Variants in EXTL3 observed in about 807,000 individuals in gnomAD.
EXTL3 encodes exostosin-like 3.
A neutral mutation model predicts 69.3 loss-of-function variants in EXTL3; 27 were observed. The ratio of observed to expected loss-of-function variants is 0.39; its 90% CI spans 0.29 to 0.54. The LOEUF (loss-of-function observed/expected upper bound fraction) is 0.54, where lower values mean the gene tolerates loss of function less well. Among genes scored for constraint, EXTL3 ranks in the 20% least tolerant of loss-of-function variants. EXTL3 has a pLI of 0.69. For missense variants in EXTL3, 1,003 were observed against 1,231.8 expected, an observed-to-expected ratio of 0.81 and a Z score of 2.78; for synonymous variants, 511 against 499.4, an observed-to-expected ratio of 1.02 and a Z score of -0.31.
intron 2 of EXTL3, among the ~76,000 whole-genome samples, chr8:28,609,821 T>C (rs1402119025): frequency 1.3e-5 from 2 of 150,966 alleles, no homozygotes; most frequent in Admixed American, 6.7e-5. Context: ...GCCCAGGAGA[T>C]TGAGGCTGCA....
At chr8:28,638,988 A>C (rs919739002) in intron 1 of EXTL3, among the ~76,000 whole-genome samples, 1 of 144,854 alleles carries the variant, frequency 6.9e-6, no homozygotes, top group East Asian at 2.0e-4. Context: ...CCCAGGCTGC[A>C]GTGCAATGGT....
At chr8:28,690,923 T>C (rs113639035) in intron 1 of EXTL3, among the ~76,000 whole-genome samples, 3,461 of 152,182 alleles carry the variant, frequency 0.023, 122 homozygotes, top group African/African-American at 0.079. Flanking sequence ...GCAGGGATCA[T>C]TGGGGGCCCT....
upstream of EXTL3, among the ~76,000 whole-genome samples, chr8:28,619,315 A>AAAAAAAC (rs1563426180): frequency 7.9e-6 from 1 of 126,472 alleles, no homozygotes; most frequent in African/African-American, 3.2e-5. Context: ...AAAAAAAAAA[A>AAAAAAAC]CCCTGTGTGA....
chr8:28,640,997 A>C (rs539354464), intron 1 of EXTL3, among the ~76,000 whole-genome samples: 9 of 152,296 alleles, frequency 5.9e-5, no homozygotes, highest in African/African-American at 1.9e-4. Flanking sequence ...TTTACTTTTT[A>C]AAATGTACTT....
At chr8:28,619,451 C>G (rs1177935829), upstream of EXTL3, among the ~76,000 whole-genome samples, 1 of 152,022 alleles carries the variant, frequency 6.6e-6, no homozygotes, top group Admixed American at 6.6e-5. Flanking sequence ...CGAAAGAACA[C>G]GCTTCCTCCG....
At position 28,747,821 on chromosome 8, in the gene EXTL3, C is replaced by T. The variant is rs529493242; in HGVS notation, c.2551-2836C>T. ...TCAGGTCACTGCAACCTCTGCCTCCCGGGTTCAAGTGATTTTCCTGCTTAA... is the reference window on the plus strand; with the variant it reads ...TCAGGTCACTGCAACCTCTGCCTCCTGGGTTCAAGTGATTTTCCTGCTTAA... On this transcript the variant is annotated intron_variant, in intron 6 of 6. Transcript: ENST00000220562. 5.3e-5 allele frequency among the ~76,000 whole-genome samples: 8 copies of T among 151,380 alleles called. No homozygotes were observed. In the South Asian group the frequency reaches 8.3e-4, roughly 16 times the overall value.
chr8:28,619,116 A>C (rs867011180), upstream of EXTL3, among the ~76,000 whole-genome samples: 1 of 128,154 alleles, frequency 7.8e-6, no homozygotes, highest in African/African-American at 2.9e-5. Flanking sequence ...AAAAAAAAAA[A>C]CAGCAGACCC....
chr8:28,692,737 A>T (rs1800632683), intron 1 of EXTL3, among the ~76,000 whole-genome samples: 1 of 152,232 alleles, frequency 6.6e-6, no homozygotes, highest in Admixed American at 6.5e-5. Flanking sequence ...TTGTTCACAC[A>T]AGGCATTTTT....
At chr8:28,718,964 TA>T (rs1475544553) in intron 3 of EXTL3, among the ~76,000 whole-genome samples, 1 of 152,196 alleles carries the variant, frequency 6.6e-6, no homozygotes, top group African/African-American at 2.4e-5. Flanking sequence ...TCTTCAGAAT[TA>T]AACTTGGCAT....
At chr8:28,726,561 C>G (rs555954085) in intron 3 of EXTL3, among the ~76,000 whole-genome samples, 26 of 152,236 alleles carry the variant, frequency 1.7e-4, no homozygotes, top group Admixed American at 1.7e-3. Flanking sequence ...GGTGTTTCAG[C>G]AGTGGCACAG....
At chr8:28,729,754 A>C (rs1205156000) in intron 3 of EXTL3, among the ~76,000 whole-genome samples, 1 of 151,828 alleles carries the variant, frequency 6.6e-6, no homozygotes, top group East Asian at 1.9e-4. Flanking sequence ...TAATCCTTGC[A>C]CTTTCGGAGC....
rs1195695862 is a variant in EXTL3, at chr8:28,754,981, T to TG, written c.*4118dup. 6.6e-6 allele frequency: 1 copy of TG among 152,264 alleles called. No individual in the cohort carries two copies. Among genetic ancestry groups the TG allele is most frequent in the African/African-American group, 2.4e-5 (1 of 41,472 alleles). 9.4% of individuals were successfully genotyped at this position (152,264 alleles called of 1,614,324 possible). On this transcript the variant is annotated 3_prime_UTR_variant, in exon 7 of 7. Transcript: ENST00000220562. ...TAAAGGTCTGGGCCCTGGAACAGAC[T>TG]GGGTGCAGATCTTGGGCTGCCCATC... is the stretch of plus-strand genomic sequence containing the variant.
At position 28,737,571 on chromosome 8, in the gene EXTL3, G is replaced by A. The variant is rs369382883; in HGVS notation, c.2329G>A (p.Ala777Thr). Residue 777 changes from alanine to threonine, a missense_variant, in exon 5 of 7, where the codon GCA (alanine) becomes ACA (threonine). This residue lies in a region of EXTL3 where 261 missense variants were observed against 416.4 expected (regional missense o/e 0.63). Transcript: ENST00000220562. ...CGTGGGCTTCCCTGGCCGTTACCAC[G>A]CATGGGACATCCCCCATCAGTCCTG... Reference protein sequence around the residue: ...RIVGFPGRYHAWDIPHQSWLY... With the variant: ...RIVGFPGRYHTWDIPHQSWLY... The A allele has an allele frequency of 5.0e-6, 8 of 1,613,908 alleles. No individual in the cohort carries two copies. The highest frequency in any genetic ancestry group is 2.2e-5 in the East Asian group (1 of 44,902).
At chr8:28,731,553 C>T (rs767393763) in intron 4 of EXTL3, among the ~76,000 whole-genome samples, 3 of 152,170 alleles carry the variant, frequency 2.0e-5, no homozygotes, top group African/African-American at 4.8e-5. Context: ...GCTCTGTGTT[C>T]CCACAGGCCT....
At chr8:28,668,308 C>A (rs1200766439) in intron 1 of EXTL3, among the ~76,000 whole-genome samples, 1 of 135,738 alleles carries the variant, frequency 7.4e-6, no homozygotes, top group Non-Finnish European at 1.6e-5. Flanking sequence ...AGAATACTTT[C>A]TTTCCAGAGT....
intron 1 of EXTL3, among the ~76,000 whole-genome samples, chr8:28,633,720 C>T (rs1036930789): frequency 3.9e-5 from 6 of 152,114 alleles, no homozygotes; most frequent in Non-Finnish European, 5.9e-5. Context: ...AACACATTCA[C>T]GCCCTTTTGT....
At chr8:28,608,421 A>T (rs1266084510) in intron 2 of EXTL3, among the ~76,000 whole-genome samples, 1 of 152,118 alleles carries the variant, frequency 6.6e-6, no homozygotes, top group African/African-American at 2.4e-5. Context: ...GTGGGTTGGA[A>T]TTCAGTCTTT....
intron 4 of EXTL3, among the ~76,000 whole-genome samples, chr8:28,732,879 A>G (rs1211799230): frequency 6.6e-6 from 1 of 152,032 alleles, no homozygotes; most frequent in African/African-American, 2.4e-5. Context: ...ATGGACCACC[A>G]CCATGCCAAG....
At chr8:28,636,009 T>C (rs367678977) in intron 1 of EXTL3, among the ~76,000 whole-genome samples, 2 of 152,136 alleles carry the variant, frequency 1.3e-5, no homozygotes, top group South Asian at 2.1e-4. Flanking sequence ...CATGAGTCAC[T>C]GCCCCCGGCC....
Sources: gnomAD v4.1 joint callset for allele counts (sites outside exome capture counted in the v4.1 genomes callset) on GRCh38, gnomAD v4.1.1 for gene constraint, gnomAD v4.1.1 regional missense constraint, MANE v1.5 for transcripts, NCBI Gene and HGNC (gene_info 2026-07-23, HGNC 2026-07-21) for gene names.